Variants in MBNL3 observed in about 807,000 individuals in gnomAD.
The protein encoded by MBNL3 is muscleblind like splicing regulator 3, also known as muscleblind-like protein 3.
A neutral mutation model predicts 24.5 loss-of-function variants in MBNL3; 6 were observed. The ratio of observed to expected loss-of-function variants is 0.25; its 90% CI spans 0.13 to 0.48. The LOEUF (loss-of-function observed/expected upper bound fraction) is 0.48, where lower values mean the gene tolerates loss of function less well. Ranked by LOEUF, MBNL3 falls within the 20% of genes least tolerant of loss-of-function variation. The pLI is 0.99. For synonymous variants in MBNL3, 100 were observed against 101.7 expected, an observed-to-expected ratio of 0.98 and a Z score of 0.10; for missense variants, 230 against 293.5, an observed-to-expected ratio of 0.78 and a Z score of 1.58.
intron 8 of MBNL3, 77 bp from the exon 9 acceptor site, chrX:132,379,754 TGGTG>T: frequency 1.2e-6 from 1 of 827,961 alleles, no homozygotes; most frequent in Admixed American, 2.5e-5. Context: ...CAGGAGAGTG[TGGTG>T]GGTCTTGTTC....
chrX:132,407,663 G>A (rs1942040645), intron 2 of MBNL3, among the ~76,000 whole-genome samples: 1 of 111,702 alleles, frequency 9.0e-6, no homozygotes, highest in Non-Finnish European at 1.9e-5. Flanking sequence ...CCCTGTGTGT[G>A]CTAAATCACA....
chrX:132,441,967 A>C (rs1945410349), intron 1 of MBNL3, among the ~76,000 whole-genome samples: 1 of 109,686 alleles, frequency 9.1e-6, no homozygotes, highest in Non-Finnish European at 1.9e-5. Context: ...CCTTGAAAAC[A>C]TTATGTTAAG....
intron 1 of MBNL3, among the ~76,000 whole-genome samples, chrX:132,448,667 C>T (rs1945875069): frequency 9.0e-6 from 1 of 111,228 alleles, no homozygotes; most frequent in African/African-American, 3.3e-5. Context: ...TTAGTTATTA[C>T]TTGTCTTCTG....
At chrX:132,426,243 A>G (rs1944295794) in intron 2 of MBNL3, among the ~76,000 whole-genome samples, 1 of 112,194 alleles carries the variant, frequency 8.9e-6, no homozygotes, top group Admixed American at 9.4e-5. Flanking sequence ...CAAAACAAAA[A>G]GTATGGCAGA....
At chrX:132,444,405 C>G (rs893602150) in intron 1 of MBNL3, among the ~76,000 whole-genome samples, 2 of 111,041 alleles carry the variant, frequency 1.8e-5, no homozygotes, top group African/African-American at 6.6e-5. Context: ...ATCTAGGATT[C>G]TTCATATACA....
chrX:132,370,920 G>T lies in MBNL3; in HGVS notation c.*8746C>A, dbSNP rs1471295327. Reference sequence around the variant, plus strand: ...TTCTTCCAGCCAATAGAAACTCCAAGTCTCCAATTTGATGATGGTCGGGAA... The same window carrying T: ...TTCTTCCAGCCAATAGAAACTCCAATTCTCCAATTTGATGATGGTCGGGAA... On this transcript the variant is annotated 3_prime_UTR_variant, in exon 9 of 9. Coordinates refer to ENST00000370853, the MANE Select transcript of MBNL3 (RefSeq NM_001386889.1). 8.9e-6 allele frequency: 1 copy of T among 111,749 alleles called. No individual in the cohort carries two copies. Among genetic ancestry groups the T allele is most frequent in the East Asian group, 2.8e-4 (1 of 3,556 alleles). 9.2% of individuals were successfully genotyped at this position (111,749 alleles called of 1,213,427 possible). A position where few individuals can be genotyped will look rare whatever the true frequency, so the allele number is the denominator to read the frequency against.
intron 3 of MBNL3, among the ~76,000 whole-genome samples, chrX:132,396,500 C>CTA (rs1366681253): frequency 3.4e-5 from 2 of 58,931 alleles, no homozygotes; most frequent in African/African-American, 8.6e-5. Flanking sequence ...ATATATATTC[C>CTA]TATATATATT....
intron 8 of MBNL3, among the ~76,000 whole-genome samples, chrX:132,381,947 C>A (rs1373122658): frequency 8.9e-6 from 1 of 111,798 alleles, no homozygotes; most frequent in Non-Finnish European, 1.9e-5. Context: ...TATAGAATAT[C>A]AAGAGCAACA....
chrX:132,486,844 G>T (rs1487648375), intron 1 of MBNL3, among the ~76,000 whole-genome samples: 2 of 111,869 alleles, frequency 1.8e-5, no homozygotes, highest in Admixed American at 9.4e-5. Flanking sequence ...GAAAAAAAAG[G>T]TACTTTATAA....
intron 1 of MBNL3, among the ~76,000 whole-genome samples, chrX:132,444,548 G>C (rs1232650315): frequency 9.0e-6 from 1 of 111,380 alleles, no homozygotes; most frequent in Non-Finnish European, 1.9e-5. Context: ...GAATGTTTTT[G>C]CTCAATAATA....
At chrX:132,437,496 A>G (rs761020890) in intron 2 of MBNL3, among the ~76,000 whole-genome samples, 2 of 112,084 alleles carry the variant, frequency 1.8e-5, no homozygotes, top group South Asian at 7.4e-4. Context: ...GCTTACTGCA[A>G]TCTCCACAAT....
intron 3 of MBNL3, among the ~76,000 whole-genome samples, chrX:132,399,631 A>G (rs1241692275): frequency 3.6e-5 from 4 of 110,121 alleles, no homozygotes; most frequent in African/African-American, 9.9e-5. Flanking sequence ...TTCAAGAGAG[A>G]AGACCACGGA....
At chrX:132,439,340 T>G (rs1945285154) in intron 2 of MBNL3, 95 bp downstream of exon 2, 1 of 948,944 alleles carries the variant, frequency 1.1e-6, no homozygotes, top group Non-Finnish European at 1.4e-6. Flanking sequence ...ATCACTTTCA[T>G]GCTATTATTA....
intron 2 of MBNL3, among the ~76,000 whole-genome samples, chrX:132,418,832 G>T (rs1943534170): frequency 8.9e-6 from 1 of 112,481 alleles, no homozygotes; most frequent in African/African-American, 3.2e-5. Flanking sequence ...GAGTGCAGTG[G>T]CACCATCACA....
intron 3 of MBNL3, among the ~76,000 whole-genome samples, chrX:132,394,675 C>G (rs992684702): frequency 3.6e-5 from 4 of 112,446 alleles, no homozygotes; most frequent in African/African-American, 1.3e-4. Flanking sequence ...TTATTAATCA[C>G]TAATAAATGC....
intron 3 of MBNL3, among the ~76,000 whole-genome samples, chrX:132,402,703 A>G (rs1941146706): frequency 8.9e-6 from 1 of 111,824 alleles, no homozygotes; most frequent in South Asian, 3.7e-4. Flanking sequence ...GTCAATTCAG[A>G]CCTGTTTAAT....
chrX:132,394,558 C>G (rs780992222), intron 3 of MBNL3, among the ~76,000 whole-genome samples: 2 of 112,068 alleles, frequency 1.8e-5, no homozygotes, highest in Admixed American at 1.9e-4. Flanking sequence ...CTCCTGCATA[C>G]TTTTTGCTCT....
At chrX:132,444,461 T>C (rs917357416) in intron 1 of MBNL3, among the ~76,000 whole-genome samples, 7 of 111,281 alleles carry the variant, frequency 6.3e-5, no homozygotes, top group African/African-American at 2.0e-4. Context: ...GTCCATTTGA[T>C]AGCAACAAGA....
chrX:132,415,329 AAAG>A (rs1291107198), intron 2 of MBNL3, among the ~76,000 whole-genome samples: 6 of 112,505 alleles, frequency 5.3e-5, no homozygotes, highest in African/African-American at 1.6e-4. Context: ...GAAAAGTTTC[AAAG>A]AAGAATTTAA....
Sources: gnomAD v4.1 joint callset for allele counts (sites outside exome capture counted in the v4.1 genomes callset) on GRCh38, gnomAD v4.1.1 for gene constraint, MANE v1.5 for transcripts, NCBI Gene and HGNC (gene_info 2026-07-23, HGNC 2026-07-21) for gene names.